Variants in CEP128 observed in about 807,000 individuals in gnomAD.
CEP128 encodes centrosomal protein 128, also known as centrosomal protein 128kDa.
In CEP128, 132 loss-of-function variants were observed where a neutral mutation model predicts 156.7. The observed-to-expected ratio is 0.84, with a 90% CI of 0.73 to 0.97. CEP128 has a LOEUF of 0.97. CEP128 is among the 50% of genes least tolerant of loss of function. The pLI, the probability that CEP128 is intolerant of heterozygous loss-of-function variation, is 0.00. For missense variants in CEP128, 1,252 were observed against 1,281.9 expected (o/e 0.98, Z 0.36); for synonymous variants, 469 against 448.9 (o/e 1.04, Z -0.57).
At chr14:80,880,260 C>T (rs1466616893) in intron 8 of CEP128, among the ~76,000 whole-genome samples, 2 of 151,766 alleles carry the variant, frequency 1.3e-5, no homozygotes. Context: ...AAAAAAAAAG[C>T]ATTTATCGAA....
Position 80,712,806 on chromosome 14 carries a change from G to A in CEP128, c.2806+30269C>T, listed in dbSNP as rs117155490. Among the ~76,000 whole-genome samples the A allele has an allele frequency of 1.4e-4, 22 of 152,204 alleles. No homozygotes were observed. The East Asian group carries it at 3.1e-3, about 21-fold the overall frequency. On this transcript the variant is annotated intron_variant, in intron 19 of 24. Coordinates refer to ENST00000555265, the MANE Select transcript of CEP128 (RefSeq NM_152446.5). ...ACATCAGCTATTTTACTGTTAATAT[G>A]GTGAAACGAGAAATAACCAAGTCGG...
chr14:80,587,670 C>A (rs551288602), intron 19 of CEP128, among the ~76,000 whole-genome samples: 50 of 152,196 alleles, frequency 3.3e-4, no homozygotes, highest in Non-Finnish European at 5.3e-4. Flanking sequence ...AGTTTTCTGT[C>A]ATTTCTATTG....
chr14:80,618,162 A>T (rs1001955384), intron 19 of CEP128, among the ~76,000 whole-genome samples: 8 of 152,234 alleles, frequency 5.3e-5, no homozygotes, highest in African/African-American at 1.9e-4. Context: ...CTATGTCAAT[A>T]CTTTTGCTTC....
rs11321503 is a variant in CEP128 at position 80,566,903 on chromosome 14, G to GA, written c.2857-7602dup. ...AGATTTTGTCTGAAAAGTTGTCAAG[G>GA]AAAAAAAAAAAAACCAACATTTTGA... On this transcript the variant is annotated intron_variant, in intron 20 of 24. Coordinates refer to ENST00000555265, the MANE Select transcript of CEP128 (RefSeq NM_152446.5). Among the ~76,000 whole-genome samples the GA allele has an allele frequency of 2.6e-3, 377 of 144,858 alleles. 1 individual carries two copies. The highest frequency in any genetic ancestry group is 8.1e-3 in the African/African-American group (321 of 39,750).
chr14:80,481,550 T>C (rs568592206), intron 14 of CEP128, among the ~76,000 whole-genome samples: 285 of 152,348 alleles, frequency 1.9e-3, no homozygotes, highest in African/African-American at 6.6e-3. Context: ...AGACTATATA[T>C]TGTCCACTTT....
At chr14:80,822,955 T>C (rs1321290999) in intron 13 of CEP128, among the ~76,000 whole-genome samples, 3 of 152,198 alleles carry the variant, frequency 2.0e-5, no homozygotes, top group Non-Finnish European at 4.4e-5. Context: ...GGAAGGGGCA[T>C]ACGTCACTAA....
chr14:80,538,073 T>G (rs893278438), intron 21 of CEP128, among the ~76,000 whole-genome samples: 2 of 152,180 alleles, frequency 1.3e-5, no homozygotes, highest in Non-Finnish European at 2.9e-5. Context: ...TATCAAGTAC[T>G]TACTTGTGAT....
At chr14:80,754,598 G>A (rs377448589) in intron 18 of CEP128, among the ~76,000 whole-genome samples, 86 of 148,174 alleles carry the variant, frequency 5.8e-4, no homozygotes, top group African/African-American at 2.1e-3. Flanking sequence ...GAGTAGCTGG[G>A]ACTGCAGGCA....
At position 80,953,107 on chromosome 14, in the gene CEP128, T is replaced by C. The variant is rs562248727; in HGVS notation, c.-172+5071A>G. ...GATATCAGTTCTACACAAACTCCTA[T>C]AGAAATTTAAAGAGGAAGGAATATT... On this transcript the variant is annotated intron_variant, in intron 2 of 7. Transcript: ENST00000555529. Among the ~76,000 whole-genome samples, 8 of 152,350 alleles carry C rather than the reference T, an allele frequency of 5.3e-5. No homozygotes were observed. The South Asian group carries it at 8.3e-4, about 16-fold the overall frequency.
intron 8 of CEP128, among the ~76,000 whole-genome samples, chr14:80,873,981 C>A (rs1888154122): frequency 6.6e-6 from 1 of 152,130 alleles, no homozygotes; most frequent in East Asian, 1.9e-4. Flanking sequence ...TGTGAGGCCT[C>A]CCCAGCCATG....
intron 19 of CEP128, among the ~76,000 whole-genome samples, chr14:80,625,055 G>A (rs1893651848): frequency 6.6e-6 from 1 of 152,086 alleles, no homozygotes; most frequent in Non-Finnish European, 1.5e-5. Flanking sequence ...TATAGTTTCA[G>A]GCCTTATGTT....
chr14:80,844,550 A>G (rs1471720037), intron 9 of CEP128, among the ~76,000 whole-genome samples: 4 of 152,164 alleles, frequency 2.6e-5, no homozygotes, highest in Non-Finnish European at 4.4e-5. Context: ...TGGTAAGCAC[A>G]TAAGTCAAGT....
intron 16 of CEP128, among the ~76,000 whole-genome samples, chr14:80,775,673 T>C (rs1205720193): frequency 6.6e-6 from 1 of 152,178 alleles, no homozygotes; most frequent in Non-Finnish European, 1.5e-5. Context: ...TCCAGCACAA[T>C]GCCTGCCATA....
rs140080752 is a variant in CEP128 at position 80,697,125 on chromosome 14, T to C, written c.2806+45950A>G. Among the ~76,000 whole-genome samples the C allele has an allele frequency of 1.1e-3, 161 of 152,196 alleles. 1 individual carries two copies. Among genetic ancestry groups the C allele is most frequent in the African/African-American group, 3.8e-3 (157 of 41,560 alleles). On this transcript the variant is annotated intron_variant, in intron 19 of 24. Coordinates refer to ENST00000555265, the MANE Select transcript of CEP128 (RefSeq NM_152446.5). ...GCAGTTTCTTTGAACTTAAGTCATA[T>C]CAAACTATTAAATGTTAGCAACTGA... is the stretch of plus-strand genomic sequence containing the variant.
chr14:80,883,625 A>G (rs1013371346), intron 8 of CEP128, among the ~76,000 whole-genome samples: 2 of 152,192 alleles, frequency 1.3e-5, no homozygotes, highest in Non-Finnish European at 2.9e-5. Context: ...TTCTATGTTA[A>G]TAGACTAGAA....
At chr14:80,878,306 A>G (rs1301642527) in intron 8 of CEP128, among the ~76,000 whole-genome samples, 2 of 151,982 alleles carry the variant, frequency 1.3e-5, no homozygotes, top group African/African-American at 4.8e-5. Flanking sequence ...GAACCAGAAA[A>G]CACCCCATCT....
chr14:80,678,040 TAAAAAA>T (rs754768782), intron 19 of CEP128, among the ~76,000 whole-genome samples: 2 of 32,544 alleles, frequency 6.1e-5, no homozygotes, highest in Non-Finnish European at 6.3e-5. Flanking sequence ...AGTTGCTCTA[TAAAAAA>T]AAAATATATA....
At chr14:80,608,846 T>C (rs747196627) in intron 19 of CEP128, among the ~76,000 whole-genome samples, 6 of 152,160 alleles carry the variant, frequency 3.9e-5, no homozygotes, top group Non-Finnish European at 7.4e-5. Flanking sequence ...GTCACATTAT[T>C]TCTAAAAATA....
At chr14:80,710,899 A>C (rs1451717922) in intron 19 of CEP128, among the ~76,000 whole-genome samples, 2 of 152,162 alleles carry the variant, frequency 1.3e-5, no homozygotes, top group African/African-American at 2.4e-5. Flanking sequence ...AAATTGTCCA[A>C]TAGTTTCCTC....
Sources: gnomAD v4.1 joint callset for allele counts (sites outside exome capture counted in the v4.1 genomes callset) on GRCh38, gnomAD v4.1.1 for gene constraint, MANE v1.5 for transcripts, NCBI Gene and HGNC (gene_info 2026-07-23, HGNC 2026-07-21) for gene names.